Variants in BIN1 observed in about 807,000 individuals in gnomAD.
BIN1 encodes myc box-dependent-interacting protein 1.
A neutral mutation model predicts 82.0 loss-of-function variants in BIN1; 53 were observed. That is an observed-to-expected ratio of 0.65 (90% CI 0.52 to 0.81). The LOEUF (loss-of-function observed/expected upper bound fraction) is 0.81. BIN1 is among the 40% of genes least tolerant of loss of function. The probability of loss-of-function intolerance (pLI) is 0.00; values close to 1 mark genes in which losing one functional copy is unlikely to be tolerated. For missense variants in BIN1, 642 were observed against 784.4 expected (o/e 0.82, Z 2.17); for synonymous variants, 302 against 328.0 (o/e 0.92, Z 0.86).
chr2:127,092,589 C>A (rs1210853220), intron 1 of BIN1, among the ~76,000 whole-genome samples: 1 of 152,212 alleles, frequency 6.6e-6, no homozygotes, highest in Non-Finnish European at 1.5e-5. Context: ...GCCACCAGCT[C>A]AGGGGCATGC....
chr2:127,059,123 G>C lies in BIN1; in HGVS notation c.890C>G (p.Pro297Arg). The change falls in exon 11 of 19, where the codon CCT (proline) becomes CGT (arginine). Residue 297 changes from proline (P) to arginine (R), a missense_variant. Transcript: ENST00000316724. The surrounding 1 kb of genome is among the most constrained non-coding windows in gnomAD (Gnocchi z 6.7). ...DNAPAKGNKSPSPPDGSPAAT... is the reference protein window; with the variant it reads ...DNAPAKGNKSRSPPDGSPAAT... ...GGCAGGGGAGCCATCTGGAGGCGAA[G>C]GGCTCTTGTTCCCTTTTGCAGGCGC... 3.8e-6 allele frequency: 6 copies of C among 1,591,240 alleles called. No individual in the cohort carries two copies. The highest frequency in any genetic ancestry group is 5.1e-6 in the Non-Finnish European group (6 of 1,169,822).
intron 2 of BIN1, among the ~76,000 whole-genome samples, chr2:127,074,585 T>C (rs1319134947): frequency 6.6e-6 from 1 of 152,226 alleles, no homozygotes; most frequent in Non-Finnish European, 1.5e-5. Context: ...CCAGAGAGGA[T>C]GACTCTGAGG....
intron 2 of BIN1, among the ~76,000 whole-genome samples, chr2:127,072,100 C>G (rs1339813705): frequency 6.6e-6 from 1 of 152,236 alleles, no homozygotes; most frequent in Admixed American, 6.5e-5. Flanking sequence ...TGGCCATGGT[C>G]CCAGGAGACC....
rs1684584993 is a variant in BIN1 at position 127,062,159 on chromosome 2, C to T, written c.813G>A (p.Glu271=). The part of the protein sequence containing the change: ...QNLNDVLVGL[E]KQHGSNTFTV... ...TGAAGGTGTTGCTCCCGTGTTGCTT[C>T]TCCAGGCCGACCAGCACATCATTGA... The change falls in exon 10 of 19, where the codon GAG becomes GAA. Residue 271 remains glutamate (E), a synonymous_variant. Transcript: ENST00000316724. 6.2e-7 allele frequency: 1 copy of T among 1,611,288 alleles called. No homozygotes were observed.
chr2:127,057,698 C>T lies in BIN1; in HGVS notation c.1003-97G>A, dbSNP rs1203530722. The T allele has an allele frequency of 1.4e-6, 2 of 1,393,030 alleles. No individual in the cohort carries two copies. Among genetic ancestry groups the T allele is most frequent in the African/African-American group, 2.9e-5 (2 of 68,812 alleles). 86.3% of individuals were successfully genotyped at this position (1,393,030 alleles called of 1,614,324 possible). A position where few individuals can be genotyped will look rare whatever the true frequency, so the allele number is the denominator to read the frequency against. ...AGAGACAAAGCCACGGTTAGTCACACCTCAGGCCACAGTCCCACCCAGGCC... is the reference window on the plus strand; with the variant it reads ...AGAGACAAAGCCACGGTTAGTCACATCTCAGGCCACAGTCCCACCCAGGCC... On this transcript the variant is annotated intron_variant, in intron 11 of 18. Coordinates refer to ENST00000316724, the MANE Select transcript of BIN1 (RefSeq NM_139343.3). The surrounding 1 kb of genome is among the most constrained non-coding windows in gnomAD (Gnocchi z 5.0).
Position 127,052,254 on chromosome 2 carries a change from C to G in BIN1, c.1371+1G>C. On this transcript the variant is annotated splice_donor_variant, in intron 15 of 18. Transcript: ENST00000316724. LOFTEE classifies it high-confidence loss of function. ...GACAGGGGCTGGAGGTGGGCACTTA[C>G]TTGGGCAGGCCCCGGCTCGGCCGTC... is the stretch of plus-strand genomic sequence containing the variant. 5 of 1,569,558 alleles carry G rather than the reference C, an allele frequency of 3.2e-6. No homozygotes were observed. The highest frequency in any genetic ancestry group is 4.3e-6 in the Non-Finnish European group (5 of 1,156,700).
chr2:127,095,370 C>T (rs1424381868), intron 1 of BIN1, among the ~76,000 whole-genome samples: 1 of 152,194 alleles, frequency 6.6e-6, no homozygotes, highest in Non-Finnish European at 1.5e-5. Flanking sequence ...AGGTCCCCTG[C>T]ACCATGCCTC....
At chr2:127,076,508 G>T in intron 2 of BIN1, 118 bp downstream of exon 2, 1 of 1,170,246 alleles carries the variant, frequency 8.5e-7, no homozygotes, top group African/African-American at 1.5e-5. Context: ...GATCTTGTCA[G>T]CCCACACTGA....
intron 1 of BIN1, among the ~76,000 whole-genome samples, chr2:127,106,076 G>C (rs1443147409): frequency 6.6e-6 from 1 of 152,232 alleles, no homozygotes; most frequent in Admixed American, 6.5e-5. Flanking sequence ...CCGCGAGGAG[G>C]GGTCGGGTTT....
chr2:127,050,538 A>C lies in BIN1; in HGVS notation c.1573-16T>G. The stretch of plus-strand genomic sequence containing the variant: ...GGGCCTGTACCTGCAGAGGATGCGG[A>C]TCGCAAGTCAGACCTTCCGTCCCAC... On this transcript the variant is annotated splice_polypyrimidine_tract_variant and intron_variant, in intron 17 of 18. Coordinates refer to ENST00000316724, the MANE Select transcript of BIN1 (RefSeq NM_139343.3). The C allele has an allele frequency of 6.2e-7, 1 of 1,613,996 alleles. No individual in the cohort carries two copies. Among genetic ancestry groups the C allele is most frequent in the Middle Eastern group, 1.6e-4 (1 of 6,062 alleles).
chr2:127,051,604 G>A (rs1157801938), intron 15 of BIN1, among the ~76,000 whole-genome samples: 1 of 152,194 alleles, frequency 6.6e-6, no homozygotes, highest in African/African-American at 2.4e-5. Flanking sequence ...CACCCTGCTT[G>A]ACCCGGCAGG....
intron 1 of BIN1, among the ~76,000 whole-genome samples, chr2:127,079,294 A>G (rs1410913160): frequency 6.6e-6 from 1 of 152,242 alleles, no homozygotes; most frequent in East Asian, 1.9e-4. Context: ...AATCTACAAA[A>G]TGAAGTGAAC....
chr2:127,098,104 G>T (rs1487360236), intron 1 of BIN1, among the ~76,000 whole-genome samples: 2 of 152,246 alleles, frequency 1.3e-5, no homozygotes, highest in African/African-American at 2.4e-5. Flanking sequence ...GAATGACTTA[G>T]GGTGTAAATG....
At chr2:127,091,539 T>C (rs953687938) in intron 1 of BIN1, among the ~76,000 whole-genome samples, 1 of 152,142 alleles carries the variant, frequency 6.6e-6, no homozygotes, top group African/African-American at 2.4e-5. Context: ...GGAGGAAAGT[T>C]GGGAAGGAAC....
rs772155930 is a variant in BIN1 at position 127,050,850 on chromosome 2, G to A, written c.1524C>T (p.Gly508=). Residue 508 remains glycine (G), a synonymous_variant, in exon 17 of 19, where the codon GGC becomes GGT. Transcript: ENST00000316724. ...FPATVNGTVE[G]GSGAGRLDLP... is the part of the protein sequence containing the mutation. Reference sequence around the variant, plus strand: ...GGTCCAAGCGCCCGGCCCCACTGCCGCCCTCCACGGTGCCATTCACAGTTG... The same window carrying A: ...GGTCCAAGCGCCCGGCCCCACTGCCACCCTCCACGGTGCCATTCACAGTTG... The A allele has an allele frequency of 2.7e-5, 43 of 1,613,722 alleles. No individual in the cohort carries two copies. Among genetic ancestry groups the A allele is most frequent in the East Asian group, 1.3e-4 (6 of 44,898 alleles).
chr2:127,064,030 C>T lies in BIN1; in HGVS notation c.613-12G>A, dbSNP rs2105008861. 1 of 1,613,762 alleles carries T rather than the reference C, an allele frequency of 6.2e-7. No individual in the cohort carries two copies. Among genetic ancestry groups the T allele is most frequent in the Non-Finnish European group, 8.5e-7 (1 of 1,179,982 alleles). Reference sequence around the variant, plus strand: ...AGCTCCTCCTCGGCCTGGGGGGCAGCACGGGTCATTCCCCTCTGTTGGGCG... The same window carrying T: ...AGCTCCTCCTCGGCCTGGGGGGCAGTACGGGTCATTCCCCTCTGTTGGGCG... On this transcript the variant is annotated splice_polypyrimidine_tract_variant and intron_variant, in intron 7 of 18. Coordinates refer to ENST00000316724, the MANE Select transcript of BIN1 (RefSeq NM_139343.3).
At position 127,062,304 on chromosome 2, in the gene BIN1, A is replaced by G. The variant is rs146558133; in HGVS notation, c.775-107T>C. On this transcript the variant is annotated intron_variant, in intron 9 of 18. Transcript: ENST00000316724. ...CCACCACCCCCAGCCCCTGCCAGGA[A>G]CAAGCTCCTCTTTCCCCATCTGTGA... 376 of 1,111,948 alleles carry G rather than the reference A, an allele frequency of 3.4e-4. 3 individuals are homozygous for G. The East Asian group carries it at 9.7e-3, about 29-fold the overall frequency. 68.9% of individuals were successfully genotyped at this position (1,111,948 alleles called of 1,614,324 possible). A position where few individuals can be genotyped will look rare whatever the true frequency, so the allele number is the denominator to read the frequency against.
At chr2:127,101,998 G>A (rs940543651) in intron 1 of BIN1, among the ~76,000 whole-genome samples, 4 of 152,158 alleles carry the variant, frequency 2.6e-5, no homozygotes, top group African/African-American at 7.2e-5. Flanking sequence ...CCACAGAGCT[G>A]GCATTCAATG....
At position 127,093,394 on chromosome 2, in the gene BIN1, A is replaced by G. The variant is rs531061817; in HGVS notation, c.84+13466T>C. ...TAAAGACCAAAACCCCTTTTCCCCA[A>G]AGCCAGCCATGAAACCCAGATAGTT... On this transcript the variant is annotated intron_variant, in intron 1 of 18. Transcript: ENST00000316724. The surrounding 1 kb of genome is among the most constrained non-coding windows in gnomAD (Gnocchi z 5.7). Among the ~76,000 whole-genome samples, 1 of 152,192 alleles carries G rather than the reference A, an allele frequency of 6.6e-6. No homozygotes were observed. The highest frequency in any genetic ancestry group is 2.4e-5 in the African/African-American group (1 of 41,532).
Sources: gnomAD v4.1 joint callset for allele counts (sites outside exome capture counted in the v4.1 genomes callset) on GRCh38, gnomAD v4.1.1 for gene constraint, Gnocchi (gnomAD v3.1) non-coding constraint, MANE v1.5 for transcripts, NCBI Gene and HGNC (gene_info 2026-07-23, HGNC 2026-07-21) for gene names.